Variants in PRMT8 observed in about 807,000 individuals in gnomAD.
PRMT8 encodes protein arginine N-methyltransferase 8.
A neutral mutation model predicts 47.1 loss-of-function variants in PRMT8; 7 were observed. The ratio of observed to expected loss-of-function variants is 0.15; its 90% CI spans 0.08 to 0.28. The LOEUF (loss-of-function observed/expected upper bound fraction) is 0.28, where lower values mean the gene tolerates loss of function less well. PRMT8 is among the 10% of genes least tolerant of loss of function. The pLI is 1.00. For synonymous variants in PRMT8, 188 were observed against 186.5 expected (o/e 1.01, Z -0.07); for missense variants, 237 against 505.4 (o/e 0.47, Z 5.09).
At chr12:3,471,698 T>A (rs546059515) in intron 1 of PRMT8, among the ~76,000 whole-genome samples, 1 of 151,816 alleles carries the variant, frequency 6.6e-6, no homozygotes, top group Non-Finnish European at 1.5e-5. Context: ...CTGCCTTTTC[T>A]CTCACATTCA....
At chr12:3,554,115 C>T (rs1267781563) in intron 4 of PRMT8, among the ~76,000 whole-genome samples, 1 of 152,234 alleles carries the variant, frequency 6.6e-6, no homozygotes, top group Non-Finnish European at 1.5e-5. Context: ...GGCATCATGG[C>T]AGACCCCAGG....
At chr12:3,558,699 G>T (rs755324475) in intron 4 of PRMT8, among the ~76,000 whole-genome samples, 1 of 152,140 alleles carries the variant, frequency 6.6e-6, no homozygotes, top group East Asian at 1.9e-4. Flanking sequence ...CTGGTTCCTC[G>T]TGATTGGATT....
intron 3 of PRMT8, chr12:3,551,076 A>ACCCCCCCCCCCCCCCCCCCCCCCC (rs3837513): frequency 2.2e-5 from 3 of 137,194 alleles, no homozygotes; most frequent in Non-Finnish European, 3.2e-5. Flanking sequence ...AGCCCTGGGG[A>ACCCCCCCCCCCCCCCCCCCCCCCC]CCCCCCCCCG....
chr12:3,388,393 G>A (rs1382202351), intron 1 of PRMT8, among the ~76,000 whole-genome samples: 1 of 152,156 alleles, frequency 6.6e-6, no homozygotes, highest in Non-Finnish European at 1.5e-5. Flanking sequence ...CATCACTCAC[G>A]ATGCTATGAT....
At chr12:3,390,872 C>G (rs535343076) in intron 1 of PRMT8, among the ~76,000 whole-genome samples, 162 of 152,342 alleles carry the variant, frequency 1.1e-3, no homozygotes, top group African/African-American at 3.5e-3. Context: ...AGCCTAGCAC[C>G]TCCTAGCACA....
intron 1 of PRMT8, among the ~76,000 whole-genome samples, chr12:3,457,010 C>T (rs564654377): frequency 1.3e-5 from 2 of 152,200 alleles, no homozygotes; most frequent in Non-Finnish European, 2.9e-5. Context: ...AGAGTTCCAG[C>T]GCCACCACTG....
rs78602991 is a variant in PRMT8 at position 3,547,615 on chromosome 12, C to A, written c.262-2321C>A. Among the ~76,000 whole-genome samples the A allele has an allele frequency of 2.6e-3, 390 of 152,066 alleles. 3 individuals carry two copies. In the East Asian group the frequency reaches 0.052, roughly 20 times the overall value. On this transcript the variant is annotated intron_variant, in intron 2 of 9. Transcript: ENST00000382622. ...CAACATGGTAGAACACCATCTCTAC[C>A]CCCAAAATACAAAAATTAGCCAGTC...
At chr12:3,518,601 T>G (rs1050915439) in intron 1 of PRMT8, among the ~76,000 whole-genome samples, 1 of 152,132 alleles carries the variant, frequency 6.6e-6, no homozygotes, top group Non-Finnish European at 1.5e-5. Context: ...AGGCAAGGAC[T>G]CCTGCCAGCT....
chr12:3,525,817 C>T (rs1180802050), intron 1 of PRMT8, among the ~76,000 whole-genome samples: 1 of 152,140 alleles, frequency 6.6e-6, no homozygotes. Flanking sequence ...TTGTCTATTT[C>T]TCCTTGTGAT....
intron 1 of PRMT8, among the ~76,000 whole-genome samples, chr12:3,447,275 C>T (rs1004705879): frequency 6.6e-6 from 1 of 152,220 alleles, no homozygotes; most frequent in Non-Finnish European, 1.5e-5. Flanking sequence ...CTTCCAAAAA[C>T]AGAGTAGATG....
At chr12:3,427,506 A>T (rs1158204359) in intron 1 of PRMT8, among the ~76,000 whole-genome samples, 5 of 152,162 alleles carry the variant, frequency 3.3e-5, no homozygotes, top group African/African-American at 9.6e-5. Flanking sequence ...TAACCATTTA[A>T]TGTAGGTAAA....
At chr12:3,437,622 C>A (rs915797773) in intron 1 of PRMT8, among the ~76,000 whole-genome samples, 8 of 142,870 alleles carry the variant, frequency 5.6e-5, no homozygotes, top group African/African-American at 1.9e-4. Flanking sequence ...TGCATTCAGG[C>A]TATATATATA....
chr12:3,539,169 A>G (rs764855323), intron 1 of PRMT8, among the ~76,000 whole-genome samples: 5 of 152,250 alleles, frequency 3.3e-5, no homozygotes, highest in Non-Finnish European at 2.9e-5. Flanking sequence ...GATGTATGTA[A>G]TAATCATAAG....
At chr12:3,589,519 G>A (rs755090265) in intron 8 of PRMT8, among the ~76,000 whole-genome samples, 59 of 152,264 alleles carry the variant, frequency 3.9e-4, no homozygotes, top group African/African-American at 1.0e-3. Flanking sequence ...GTGTGTCTAC[G>A]TCACCTGCCC....
At chr12:3,585,991 C>T (rs1170898137) in intron 8 of PRMT8, among the ~76,000 whole-genome samples, 1 of 152,134 alleles carries the variant, frequency 6.6e-6, no homozygotes, top group Non-Finnish European at 1.5e-5. Context: ...AGGATGATGT[C>T]TAACCCAGAG....
rs1867113015 is a variant in PRMT8, at chr12:3,583,573, G to T, written c.979+365G>T. Among the ~76,000 whole-genome samples the T allele has an allele frequency of 6.6e-6, 1 of 152,180 alleles. No individual in the cohort carries two copies. Among genetic ancestry groups the T allele is most frequent in the Non-Finnish European group, 1.5e-5 (1 of 68,032 alleles). On this transcript the variant is annotated intron_variant, in intron 8 of 9. Transcript: ENST00000382622. The surrounding 1 kb of genome is among the most constrained non-coding windows in gnomAD (Gnocchi z 4.7). ...GAGTTGAATAAGCCTAGTCTGCACT[G>T]CCATGCCTCTGTGCAGGACACAGCC...
chr12:3,381,421 C>T, exon 1 of PRMT8: 1 of 1,536,102 alleles, frequency 6.5e-7, no homozygotes, highest in East Asian at 2.4e-5. Context: ...CAGATGGATT[C>T]AAGCTGAAAG....
At position 3,540,617 on chromosome 12, in the gene PRMT8, C is replaced by CCCCCGG; in HGVS notation, c.90_91insCGGCCC (p.Pro30_Ser31insArgPro). The CCCCCGG allele has an allele frequency of 2.6e-6, 3 of 1,137,502 alleles. No homozygotes were observed. Among genetic ancestry groups the CCCCCGG allele is most frequent in the Non-Finnish European group, 4.0e-6 (3 of 756,918 alleles). The allele number at this position is 1,137,502 out of a possible 1,614,324, so 70.5% of individuals were successfully genotyped here. A position where few individuals can be genotyped will look rare whatever the true frequency, so the allele number is the denominator to read the frequency against. On this transcript the variant is annotated inframe_insertion, in exon 2 of 10. Transcript: ENST00000382622. ...TCTCTTCCCCTCAGGTGAACAGCCC[C>CCCCCGG]CCCTCCCAGCCCCCCCAGCCCGTCG...
rs566723111 is a variant in PRMT8, at chr12:3,395,992, T to C, written c.48+14550T>C. Among the ~76,000 whole-genome samples the C allele has an allele frequency of 2.7e-3, 410 of 151,688 alleles. 3 individuals carry two copies. Among genetic ancestry groups the C allele is most frequent in the African/African-American group, 9.3e-3 (386 of 41,498 alleles). On this transcript the variant is annotated intron_variant, in intron 1 of 9. Coordinates refer to the PRMT8 transcript ENST00000452611. ...TGGCCTTCTTTGTCTCTTTTGATCTTTGTTGGTTTAAAGTCTGTTTTATCA... is the reference window on the plus strand; with the variant it reads ...TGGCCTTCTTTGTCTCTTTTGATCTCTGTTGGTTTAAAGTCTGTTTTATCA...
Sources: gnomAD v4.1 joint callset for allele counts (sites outside exome capture counted in the v4.1 genomes callset) on GRCh38, gnomAD v4.1.1 for gene constraint, Gnocchi (gnomAD v3.1) non-coding constraint, MANE v1.5 for transcripts, NCBI Gene and HGNC (gene_info 2026-07-23, HGNC 2026-07-21) for gene names.